The following CASK variants were observed in gnomAD, a reference collection of about 807,000 sequenced individuals.
CASK encodes calcium/calmodulin dependent serine protein kinase.
CASK carries 4 observed loss-of-function variants against 82.9 expected under a neutral mutation model. The observed-to-expected ratio is 0.05, with a 90% confidence interval of 0.02 to 0.11. The LOEUF (loss-of-function observed/expected upper bound fraction) is 0.11, where lower values mean the gene tolerates loss of function less well. Ranked by LOEUF, CASK falls within the 10% of genes least tolerant of loss-of-function variation. CASK has a pLI of 1.00. For synonymous variants in CASK, 259 were observed against 253.5 expected (o/e 1.02, Z -0.20); for missense variants, 358 against 720.9 (o/e 0.50, Z 5.76).
At chrX:41,907,783 G>A (rs775465376) in intron 1 of CASK, among the ~76,000 whole-genome samples, 25 of 111,252 alleles carry the variant, frequency 2.2e-4, no homozygotes, top group Admixed American at 1.9e-4. Flanking sequence ...ATCAGGGACC[G>A]GTTTTGTGGA....
intron 3 of CASK, among the ~76,000 whole-genome samples, chrX:41,762,789 A>G (rs769880766): frequency 2.7e-5 from 3 of 111,642 alleles, no homozygotes; most frequent in Non-Finnish European, 5.6e-5. Flanking sequence ...GCCCACCACT[A>G]TTAGCAGTGT....
chrX:41,738,550 C>T, intron 5 of CASK, among the ~76,000 whole-genome samples: 1 of 112,477 alleles, frequency 8.9e-6, no homozygotes, highest in Middle Eastern at 4.6e-3. Flanking sequence ...TAATTAAACT[C>T]TACTTAATTT....
At chrX:41,526,819 T>G (rs1483594378) in intron 25 of CASK, among the ~76,000 whole-genome samples, 1 of 111,803 alleles carries the variant, frequency 8.9e-6, no homozygotes, top group Non-Finnish European at 1.9e-5. Context: ...TTATTGTACT[T>G]TCAAAAATTC....
At chrX:41,551,745 T>G (rs2065099524) in intron 21 of CASK, among the ~76,000 whole-genome samples, 1 of 107,794 alleles carries the variant, frequency 9.3e-6, no homozygotes, top group Non-Finnish European at 1.9e-5. Flanking sequence ...AAATATGTGG[T>G]GGCGGGTGCC....
At chrX:41,780,982 C>A (rs971197087) in intron 3 of CASK, among the ~76,000 whole-genome samples, 1 of 110,215 alleles carries the variant, frequency 9.1e-6, no homozygotes, top group African/African-American at 3.3e-5. Context: ...ACTTTGTTGC[C>A]CACACTGGAG....
rs1023969793 is a variant in CASK at position 41,909,090 on chromosome X, G to A, written c.59+13840C>T. 3.6e-5 allele frequency among the ~76,000 whole-genome samples: 4 copies of A among 111,841 alleles called. No homozygotes were observed. The Admixed American group carries it at 3.8e-4, about 11-fold the overall frequency. On this transcript the variant is annotated intron_variant, in intron 1 of 26. Coordinates refer to ENST00000378163, the MANE Select transcript of CASK (RefSeq NM_001367721.1). ...AGCGTGCCTCAGAATTCCCTTGGAGGGTTTGTTACAACAGAAATAGCTGTG... is the reference window on the plus strand; with the variant it reads ...AGCGTGCCTCAGAATTCCCTTGGAGAGTTTGTTACAACAGAAATAGCTGTG...
At chrX:41,625,511 G>A (rs899685276) in intron 10 of CASK, among the ~76,000 whole-genome samples, 1 of 110,133 alleles carries the variant, frequency 9.1e-6, no homozygotes, top group Admixed American at 9.7e-5. Context: ...TTTAAGAGGC[G>A]AGGTCTCATT....
intron 3 of CASK, among the ~76,000 whole-genome samples, chrX:41,750,607 A>G (rs185429752): frequency 8.9e-6 from 1 of 112,278 alleles, no homozygotes; most frequent in Non-Finnish European, 1.9e-5. Context: ...GTGAAAAGTA[A>G]TGGGATTATG....
intron 4 of CASK, among the ~76,000 whole-genome samples, chrX:41,740,011 A>G (rs1375056637): frequency 8.9e-6 from 1 of 112,432 alleles, no homozygotes; most frequent in Non-Finnish European, 1.9e-5. Context: ...AAGTGGAGTT[A>G]ATTCTAGGCA....
chrX:41,854,879 G>A (rs1296602642), intron 1 of CASK, among the ~76,000 whole-genome samples: 1 of 112,287 alleles, frequency 8.9e-6, no homozygotes, highest in Non-Finnish European at 1.9e-5. Flanking sequence ...AGGGACAAAC[G>A]TTTTCATTCT....
rs150925318 is a variant in CASK, at chrX:41,870,561, C to G, written c.60-17334G>C. On this transcript the variant is annotated intron_variant, in intron 1 of 26. Transcript: ENST00000378163. ...AAATATGTGAATGAACCTAAGTAAA[C>G]TGACTATGTAAGTAATAATAATGTC... Among the ~76,000 whole-genome samples the G allele has an allele frequency of 8.7e-3, 970 of 111,923 alleles. 14 individuals carry two copies. Among genetic ancestry groups the G allele is most frequent in the African/African-American group, 0.03 (935 of 30,799 alleles).
At chrX:41,593,811 G>A (rs1011436953) in intron 12 of CASK, among the ~76,000 whole-genome samples, 5 of 112,493 alleles carry the variant, frequency 4.4e-5, no homozygotes, top group African/African-American at 1.6e-4. Context: ...GTTCGAATGC[G>A]ATGTAACATT....
chrX:41,890,267 C>T (rs2072141077), intron 1 of CASK, among the ~76,000 whole-genome samples: 1 of 108,816 alleles, frequency 9.2e-6, no homozygotes, highest in Admixed American at 9.9e-5. Flanking sequence ...AAATTCCACT[C>T]TATGCTCTGC....
At chrX:41,545,774 T>A (rs2147119426) in intron 21 of CASK, among the ~76,000 whole-genome samples, 1 of 111,158 alleles carries the variant, frequency 9.0e-6, no homozygotes, top group East Asian at 2.8e-4. Flanking sequence ...TTAAACACAG[T>A]ATGTCTCTCC....
intron 12 of CASK, 125 bp downstream of exon 12, chrX:41,609,779 A>G: frequency 1.5e-6 from 1 of 675,699 alleles, no homozygotes; most frequent in Non-Finnish European, 2.3e-6. Context: ...GGATGGTCTC[A>G]GTCTCCTGAC....
intron 1 of CASK, among the ~76,000 whole-genome samples, chrX:41,869,363 G>A (rs1168318010): frequency 8.9e-6 from 1 of 111,741 alleles, no homozygotes. Flanking sequence ...TTTATCTGGT[G>A]GTCCATGGAA....
chrX:41,815,196 A>T (rs1038764692), intron 2 of CASK, among the ~76,000 whole-genome samples: 3 of 112,195 alleles, frequency 2.7e-5, no homozygotes, highest in African/African-American at 9.7e-5. Flanking sequence ...CAAAAAGAGC[A>T]GGGAGATACT....
intron 25 of CASK, among the ~76,000 whole-genome samples, chrX:41,528,031 C>A (rs1276820705): frequency 1.8e-5 from 2 of 112,485 alleles, no homozygotes; most frequent in African/African-American, 6.5e-5. Flanking sequence ...AGGGTTACCT[C>A]TTCTAGGGTG....
chrX:41,599,764 T>C (rs1461277069), intron 12 of CASK, among the ~76,000 whole-genome samples: 2 of 111,820 alleles, frequency 1.8e-5, no homozygotes, highest in Non-Finnish European at 3.8e-5. Flanking sequence ...CTGTTCTCTA[T>C]GCCTTTTTCA....
Sources: allele counts gnomAD v4.1 joint callset (sites outside exome capture counted in the v4.1 genomes callset), GRCh38; gene constraint gnomAD v4.1.1; transcripts MANE v1.5; gene names NCBI Gene and HGNC (gene_info 2026-07-23, HGNC 2026-07-21).